PHF19: variants seen among roughly 807,000 people sequenced by gnomAD.
PHF19 encodes the protein PHD finger protein 19.
Under a neutral mutation model 79.8 loss-of-function variants are expected in PHF19, and 21 were observed. That is an observed-to-expected ratio of 0.26 (90% CI 0.19 to 0.38). The LOEUF (loss-of-function observed/expected upper bound fraction) is 0.38. Ranked by LOEUF, PHF19 falls within the 10% of genes least tolerant of loss-of-function variation. The pLI, the probability that PHF19 is intolerant of heterozygous loss-of-function variation, is 1.00. For synonymous variants in PHF19, 273 were observed against 296.3 expected, an observed-to-expected ratio of 0.92 and a Z score of 0.81; for missense variants, 445 against 744.2, an observed-to-expected ratio of 0.60 and a Z score of 4.68.
In PHF19 at chr9:120,866,115, G is replaced by A. The variant is rs201876830; in HGVS notation, c.711-19C>T. ...GTAAAACCTGTGGGTGGGTAGAGAC[G>A]GGGGCCTATGGTGGGAGGGGCTCTG... On this transcript the variant is annotated intron_variant, in intron 7 of 14. Transcript: ENST00000373896. This position sits in a 1 kb window ranked among gnomAD's most constrained non-coding sequence, Gnocchi z 5.2. 4.7e-4 allele frequency: 758 copies of A among 1,600,990 alleles called. 1 individual carries two copies. The highest frequency in any genetic ancestry group is 3.2e-3 in the Middle Eastern group (19 of 5,996).
rs2045575045 is a variant in PHF19 at position 120,862,848 on chromosome 9, A to T, written c.969-99T>A. On this transcript the variant is annotated intron_variant, in intron 10 of 14. Transcript: ENST00000373896. This position sits in a 1 kb window ranked among gnomAD's most constrained non-coding sequence, Gnocchi z 4.6. ...GACACAAGCCTCTCTGCCTCCTTGG[A>T]CCCAGAGCTAAAATCCGGATGGTCT... 9 of 1,139,622 alleles carry T rather than the reference A, an allele frequency of 7.9e-6. No homozygotes were observed. The highest frequency in any genetic ancestry group is 1.2e-5 in the Non-Finnish European group (9 of 768,850). The allele number at this position is 1,139,622 out of a possible 1,614,324, so 70.6% of individuals were successfully genotyped here.
chr9:120,871,761 C>A (rs889847185), intron 3 of PHF19, among the ~76,000 whole-genome samples: 2 of 152,196 alleles, frequency 1.3e-5, no homozygotes, highest in South Asian at 2.1e-4. Context: ...TCTCTTCGGC[C>A]GGGCGCAGTG....
At position 120,866,666 on chromosome 9, in the gene PHF19, C is replaced by A. The variant is rs1202864782; in HGVS notation, c.710+204G>T. On this transcript the variant is annotated intron_variant, in intron 7 of 14. Coordinates refer to ENST00000373896, the MANE Select transcript of PHF19 (RefSeq NM_015651.3). The surrounding 1 kb of genome is among the most constrained non-coding windows in gnomAD (Gnocchi z 5.2). The stretch of plus-strand genomic sequence containing the variant: ...AAATCAATGGCAACTAGGGATGTGG[C>A]CCAGCATACTTCTTTATTGCCTCCT... Among the ~76,000 whole-genome samples, 1 of 152,190 alleles carries A rather than the reference C, an allele frequency of 6.6e-6. No individual in the cohort carries two copies. The highest frequency in any genetic ancestry group is 1.5e-5 in the Non-Finnish European group (1 of 68,038).
At chr9:120,861,627 T>C (rs1002342770) in intron 12 of PHF19, among the ~76,000 whole-genome samples, 5 of 152,280 alleles carry the variant, frequency 3.3e-5, no homozygotes, top group African/African-American at 1.2e-4. Flanking sequence ...GCCACTTTGA[T>C]GTGTGGCCTC....
intron 1 of PHF19, among the ~76,000 whole-genome samples, chr9:120,888,564 A>G (rs1374146738): frequency 6.6e-6 from 1 of 152,182 alleles, no homozygotes; most frequent in African/African-American, 2.4e-5. Context: ...TGTCCACAGC[A>G]CCAGGGGAGG....
Position 120,869,036 on chromosome 9 carries a change from C to T in PHF19, c.614+146G>A, listed in dbSNP as rs1311279456. 1 of 796,414 alleles carries T rather than the reference C, an allele frequency of 1.3e-6. No homozygotes were observed. The highest frequency in any genetic ancestry group is 1.7e-6 in the Non-Finnish European group (1 of 584,176). The allele number at this position is 796,414 out of a possible 1,614,324, so 49.3% of individuals were successfully genotyped here. A position where few individuals can be genotyped will look rare whatever the true frequency, so the allele number is the denominator to read the frequency against. On this transcript the variant is annotated intron_variant, in intron 6 of 14. Transcript: ENST00000373896. The surrounding 1 kb of genome is among the most constrained non-coding windows in gnomAD (Gnocchi z 5.8). The stretch of plus-strand genomic sequence containing the variant: ...ACACTCCAGGCCCGCCCCTCGAGGC[C>T]CCGCCCCCACAGCGCAACACACTGG...
At chr9:120,877,013 G>A in intron 1 of PHF19, 78 bp downstream of exon 1, 1 of 985,470 alleles carries the variant, frequency 1.0e-6, no homozygotes, top group African/African-American at 1.7e-5. Context: ...CAAAGTTCAG[G>A]GAGATTTCGA....
intron 10 of PHF19, among the ~76,000 whole-genome samples, chr9:120,863,306 G>A (rs1179880862): frequency 1.3e-5 from 2 of 151,694 alleles, no homozygotes; most frequent in Non-Finnish European, 2.9e-5. Context: ...ATGTGGAAGA[G>A]AGAGTGGATA....
At chr9:120,889,620 A>G (rs976310111) in intron 1 of PHF19, among the ~76,000 whole-genome samples, 8 of 151,966 alleles carry the variant, frequency 5.3e-5, no homozygotes, top group Admixed American at 5.2e-4. Context: ...AGGCGCCTGT[A>G]GTCCCAGCTA....
In PHF19 at chr9:120,860,344, G is replaced by A; in HGVS notation, c.1305-159C>T. The A allele has an allele frequency of 1.7e-6, 1 of 597,332 alleles. No homozygotes were observed. The highest frequency in any genetic ancestry group is 2.6e-5 in the Admixed American group (1 of 37,802). 37.0% of individuals were successfully genotyped at this position (597,332 alleles called of 1,614,324 possible). ...ACCACACCTGTCTGTTTCCTACCCA[G>A]CCACCCTTCAAAGTCCAAGAAGTCA... On this transcript the variant is annotated intron_variant, in intron 13 of 14. Transcript: ENST00000373896. This position sits in a 1 kb window ranked among gnomAD's most constrained non-coding sequence, Gnocchi z 4.1.
At position 120,857,988 on chromosome 9, in the gene PHF19, T is replaced by G. The variant is rs2045397659; in HGVS notation, c.1699A>C (p.Lys567Gln). ...VLARRVTPEGKVQYLVEWEGT... is the reference protein window; with the variant it reads ...VLARRVTPEGQVQYLVEWEGT... ...TCCCACTCCACCAGGTACTGAACCTTGCCCTCAGGTGTGACCCTCCGAGCC... is the reference window on the plus strand; with the variant it reads ...TCCCACTCCACCAGGTACTGAACCTGGCCCTCAGGTGTGACCCTCCGAGCC... Residue 567 changes from lysine (K) to glutamine (Q), a missense_variant, in exon 15 of 15, where the codon AAG becomes CAG. Coordinates refer to ENST00000373896, the MANE Select transcript of PHF19 (RefSeq NM_015651.3). 1 of 1,613,524 alleles carries G rather than the reference T, an allele frequency of 6.2e-7. No individual in the cohort carries two copies. Among genetic ancestry groups the G allele is most frequent in the African/African-American group, 1.3e-5 (1 of 74,918 alleles).
upstream of PHF19, among the ~76,000 whole-genome samples, chr9:120,899,886 C>T (rs1173707503): frequency 1.3e-5 from 2 of 152,230 alleles, no homozygotes; most frequent in Admixed American, 1.3e-4. Flanking sequence ...CCCTTCCATG[C>T]CTCAGTTTCT....
chr9:120,878,595 G>A (rs1406787515), upstream of PHF19, among the ~76,000 whole-genome samples: 1 of 152,162 alleles, frequency 6.6e-6, no homozygotes, highest in Admixed American at 6.5e-5. Flanking sequence ...AGCATGATCT[G>A]TGCAGCCCCC....
chr9:120,861,187 G>A lies in PHF19; in HGVS notation c.1219-13C>T, dbSNP rs772448146. 7 of 1,488,444 alleles carry A rather than the reference G, an allele frequency of 4.7e-6. No homozygotes were observed. The highest frequency in any genetic ancestry group is 2.8e-5 in the African/African-American group (2 of 72,454). The allele number at this position is 1,488,444 out of a possible 1,614,324, so 92.2% of individuals were successfully genotyped here. A position where few individuals can be genotyped will look rare whatever the true frequency, so the allele number is the denominator to read the frequency against. On this transcript the variant is annotated splice_polypyrimidine_tract_variant and intron_variant, in intron 12 of 14. Transcript: ENST00000373896. ...AGGTGAAGTCACTCTGTGGACACAG[G>A]AAGGAGAGAGGAAGGGTCAGACAGC...
chr9:120,868,753 C>T (rs2131530132), intron 6 of PHF19: 3 of 839,708 alleles, frequency 3.6e-6, no homozygotes, highest in South Asian at 5.1e-5. Context: ...CGAGGCCTTA[C>T]TATTCCCTCC....
chr9:120,880,056 G>A (rs2046156810), upstream of PHF19, among the ~76,000 whole-genome samples: 1 of 152,196 alleles, frequency 6.6e-6, no homozygotes, highest in Admixed American at 6.5e-5. Flanking sequence ...TACCTATGGA[G>A]ATATGAACTG....
In PHF19 at chr9:120,877,186, A is replaced by G. The variant is rs1266566315; in HGVS notation, c.-111T>C. ...CGCTCGGCCCGCGGCTGCCCGGCCG[A>G]GTGTCCGCCCGTGGGGCCGGGGTCG... On this transcript the variant is annotated 5_prime_UTR_variant, in exon 1 of 15. Coordinates refer to ENST00000373896, the MANE Select transcript of PHF19 (RefSeq NM_015651.3). The G allele has an allele frequency of 8.8e-5, 83 of 943,110 alleles. No individual in the cohort carries two copies. The highest frequency in any genetic ancestry group is 1.0e-4 in the Non-Finnish European group (83 of 805,560). 58.4% of individuals were successfully genotyped at this position (943,110 alleles called of 1,614,324 possible).
At chr9:120,892,386 C>T (rs1480110519) in intron 1 of PHF19, among the ~76,000 whole-genome samples, 1 of 152,126 alleles carries the variant, frequency 6.6e-6, no homozygotes, top group Non-Finnish European at 1.5e-5. Flanking sequence ...GCCCCTGAGA[C>T]TTGTGCCGTA....
At chr9:120,872,329 A>C (rs575991279) in intron 3 of PHF19, among the ~76,000 whole-genome samples, 1 of 152,180 alleles carries the variant, frequency 6.6e-6, no homozygotes, top group Non-Finnish European at 1.5e-5. Context: ...TTCTGCCCGG[A>C]AGGGGCAGTT....
Sources: allele counts gnomAD v4.1 joint callset (sites outside exome capture counted in the v4.1 genomes callset), GRCh38; gene constraint gnomAD v4.1.1; non-coding constraint Gnocchi (gnomAD v3.1); transcripts MANE v1.5; gene names NCBI Gene and HGNC (gene_info 2026-07-23, HGNC 2026-07-21).